Variants in GTF2B observed in about 807,000 individuals in gnomAD.
The protein encoded by GTF2B is transcription initiation factor IIB.
In GTF2B, 20 loss-of-function variants were observed where a neutral mutation model predicts 34.6. The observed-to-expected ratio is 0.58, with a 90% CI of 0.41 to 0.84. The LOEUF (loss-of-function observed/expected upper bound fraction) is 0.84. GTF2B is among the 40% of genes least tolerant of loss of function. GTF2B has a pLI of 0.00. For missense variants in GTF2B, 237 were observed against 393.3 expected, an observed-to-expected ratio of 0.60 and a Z score of 3.36; for synonymous variants, 142 against 132.4, an observed-to-expected ratio of 1.07 and a Z score of -0.50.
intron 6 of GTF2B, among the ~76,000 whole-genome samples, 154 bp downstream of exon 6, chr1:88,857,052 C>T (rs751426840): frequency 1.6e-4 from 25 of 152,124 alleles, no homozygotes; most frequent in Admixed American, 6.6e-5. Flanking sequence ...CCTCCCGCCT[C>T]GGCCTTCCAA....
intron 2 of GTF2B, among the ~76,000 whole-genome samples, chr1:88,875,672 G>A (rs537614242): frequency 6.6e-6 from 1 of 152,224 alleles, no homozygotes; most frequent in East Asian, 1.9e-4. Flanking sequence ...AAATTCAACA[G>A]TACTATCTTC....
chr1:88,890,157 T>TAAAA (rs58132302), intron 1 of GTF2B, among the ~76,000 whole-genome samples: 1,538 of 141,326 alleles, frequency 0.011, 24 homozygotes, highest in African/African-American at 0.038. Context: ...ATGATAGAAT[T>TAAAA]AAAAAAAAAA....
intron 2 of GTF2B, among the ~76,000 whole-genome samples, chr1:88,872,478 A>G (rs953481309): frequency 6.7e-6 from 1 of 148,230 alleles, no homozygotes; most frequent in African/African-American, 2.6e-5. Flanking sequence ...AAAAAAAAAA[A>G]AAAAGAAAGT....
chr1:88,855,272 CT>C (rs1297981451), intron 6 of GTF2B, among the ~76,000 whole-genome samples: 1 of 151,536 alleles, frequency 6.6e-6, no homozygotes, highest in African/African-American at 2.4e-5. Context: ...TCATTTATTA[CT>C]TTTTTCAACA....
At chr1:88,862,403 G>A (rs766983837) in intron 3 of GTF2B, among the ~76,000 whole-genome samples, 6 of 152,166 alleles carry the variant, frequency 3.9e-5, no homozygotes, top group Non-Finnish European at 8.8e-5. Flanking sequence ...TTAGCCATGT[G>A]TCGTGGCCCA....
intron 6 of GTF2B, among the ~76,000 whole-genome samples, chr1:88,856,291 C>CAAAAAAAAAAAAAAA (rs1162915523): frequency 7.0e-5 from 6 of 86,170 alleles, no homozygotes; most frequent in South Asian, 3.5e-4. Flanking sequence ...AAAAAAAAAA[C>CAAAAAAAAAAAAAAA]AAAAAAAAAA....
chr1:88,864,183 C>A (rs751526637), intron 2 of GTF2B, 69 bp from the exon 3 acceptor site: 3 of 1,381,632 alleles, frequency 2.2e-6, no homozygotes, highest in South Asian at 1.2e-5. Flanking sequence ...CTGTCCAATG[C>A]CCAACTAAGC....
intron 2 of GTF2B, among the ~76,000 whole-genome samples, chr1:88,882,683 G>A (rs1242367120): frequency 6.6e-6 from 1 of 152,194 alleles, no homozygotes; most frequent in Non-Finnish European, 1.5e-5. Context: ...ATGATGTTGT[G>A]TTAACAAGAT....
chr1:88,879,537 T>C (rs1007484804), intron 2 of GTF2B, among the ~76,000 whole-genome samples: 1 of 147,620 alleles, frequency 6.8e-6, no homozygotes, highest in African/African-American at 2.5e-5. Flanking sequence ...TGAGCCGAGA[T>C]AGCACCACTG....
Position 88,891,464 on chromosome 1 carries a change from C to T in GTF2B, c.17+19G>A, listed in dbSNP as rs948740279. ...CGCGCCCGCCCCTCAGCTCGCCGGG[C>T]TCGGCGGGACATACTAACCGGCTGG... On this transcript the variant is annotated intron_variant, in intron 1 of 6. Coordinates refer to ENST00000370500, the MANE Select transcript of GTF2B (RefSeq NM_001514.6). 9 of 1,597,652 alleles carry T rather than the reference C, an allele frequency of 5.6e-6. No individual in the cohort carries two copies. The highest frequency in any genetic ancestry group is 1.7e-5 in the Admixed American group (1 of 58,180).
chr1:88,884,023 CTTTTTTTTTT>C (rs56745053), intron 2 of GTF2B, among the ~76,000 whole-genome samples: 1 of 111,206 alleles, frequency 9.0e-6, no homozygotes, highest in Non-Finnish European at 1.8e-5. Context: ...TCAGCACTGA[CTTTTTTTTTT>C]TTTTTTTTTT....
At chr1:88,856,272 C>CAAAAACAAA (rs1673303067) in intron 6 of GTF2B, among the ~76,000 whole-genome samples, 1 of 50,032 alleles carries the variant, frequency 2.0e-5, no homozygotes, top group Non-Finnish European at 3.4e-5. Flanking sequence ...GTTTCAAAAA[C>CAAAAACAAA]AAAAAAAAAA....
chr1:88,872,939 T>C (rs1000403762), intron 2 of GTF2B, among the ~76,000 whole-genome samples: 1 of 152,190 alleles, frequency 6.6e-6, no homozygotes, highest in African/African-American at 2.4e-5. Context: ...TAAACTATAT[T>C]AGGGGCACAG....
intron 2 of GTF2B, 91 bp downstream of exon 2, chr1:88,887,170 T>C: frequency 1.3e-6 from 1 of 746,530 alleles, no homozygotes; most frequent in Non-Finnish European, 2.3e-6. Flanking sequence ...CCTCCCACCT[T>C]GGCCTCCCGA....
At chr1:88,863,637 G>A (rs1673491608) in intron 3 of GTF2B, among the ~76,000 whole-genome samples, 1 of 152,150 alleles carries the variant, frequency 6.6e-6, no homozygotes, top group Non-Finnish European at 1.5e-5. Context: ...TCACAGGTGT[G>A]AGCCATGATG....
chr1:88,865,235 CTTT>C (rs1437976854), intron 2 of GTF2B, among the ~76,000 whole-genome samples: 1 of 152,150 alleles, frequency 6.6e-6, no homozygotes, highest in Non-Finnish European at 1.5e-5. Context: ...CTAAAATTCT[CTTT>C]AACCTCATAT....
chr1:88,891,430 G>A lies in GTF2B; in HGVS notation c.17+53C>T, dbSNP rs1553164330. On this transcript the variant is annotated intron_variant, in intron 1 of 6. Coordinates refer to ENST00000370500, the MANE Select transcript of GTF2B (RefSeq NM_001514.6). ...GCTGCCCGGAGGCCGCCTAAAAGCC[G>A]GCGGCGCTCGCGCCCGCCCCTCAGC... 44 of 1,502,292 alleles carry A rather than the reference G, an allele frequency of 2.9e-5. No individual in the cohort carries two copies. In the South Asian group the frequency reaches 4.8e-4, roughly 16 times the overall value. The allele number at this position is 1,502,292 out of a possible 1,614,324, so 93.1% of individuals were successfully genotyped here.
At chr1:88,877,605 G>C (rs1673844026) in intron 2 of GTF2B, among the ~76,000 whole-genome samples, 1 of 152,144 alleles carries the variant, frequency 6.6e-6, no homozygotes, top group African/African-American at 2.4e-5. Context: ...ATTGGAATTT[G>C]GGAAAAAACC....
At position 88,891,476 on chromosome 1, in the gene GTF2B, T is replaced by A. The variant is rs1476268777; in HGVS notation, c.17+7A>T. 6.2e-7 allele frequency: 1 copy of A among 1,602,362 alleles called. No homozygotes were observed. The highest frequency in any genetic ancestry group is 2.3e-5 in the East Asian group (1 of 44,282). On this transcript the variant is annotated splice_region_variant and intron_variant, in intron 1 of 6. Transcript: ENST00000370500. ...TCAGCTCGCCGGGCTCGGCGGGACA[T>A]ACTAACCGGCTGGTAGACGCCATCT...
Sources: gnomAD v4.1 joint callset for allele counts (sites outside exome capture counted in the v4.1 genomes callset) on GRCh38, gnomAD v4.1.1 for gene constraint, MANE v1.5 for transcripts, NCBI Gene and HGNC (gene_info 2026-07-23, HGNC 2026-07-21) for gene names.